The following GTF2IRD1 variants were observed in gnomAD, a reference collection of about 807,000 sequenced individuals.
The protein encoded by GTF2IRD1 is general transcription factor II-I repeat domain-containing protein 1.
GTF2IRD1 carries 26 observed loss-of-function variants against 113.2 expected under a neutral mutation model. The ratio of observed to expected loss-of-function variants is 0.23; its 90% CI spans 0.17 to 0.32. The LOEUF is 0.32. Among genes scored for constraint, GTF2IRD1 ranks in the 10% least tolerant of loss-of-function variants. GTF2IRD1 has a pLI of 1.00. For missense variants in GTF2IRD1, 864 were observed against 1,280.8 expected (o/e 0.67, Z 4.97); for synonymous variants, 484 against 529.1 (o/e 0.91, Z 1.17).
chr7:74,460,574 G>A (rs1584442702), intron 1 of GTF2IRD1, among the ~76,000 whole-genome samples: 2 of 152,076 alleles, frequency 1.3e-5, no homozygotes, highest in African/African-American at 2.4e-5. Flanking sequence ...CCTGTGGCTC[G>A]AGGGTCTAGA....
At chr7:74,516,418 C>T (rs1259245959) in intron 4 of GTF2IRD1, among the ~76,000 whole-genome samples, 2 of 152,218 alleles carry the variant, frequency 1.3e-5, no homozygotes, top group Non-Finnish European at 2.9e-5. Context: ...ATTGCTCAGC[C>T]ATGTCTTTCC....
chr7:74,569,563 A>G (rs1554361960), intron 22 of GTF2IRD1, among the ~76,000 whole-genome samples: 1 of 152,198 alleles, frequency 6.6e-6, no homozygotes, highest in Non-Finnish European at 1.5e-5. Flanking sequence ...ATTTTGTGGC[A>G]CTGGCGGTTT....
intron 25 of GTF2IRD1, among the ~76,000 whole-genome samples, chr7:74,600,578 G>A (rs587707779): frequency 1.9e-3 from 291 of 152,222 alleles, no homozygotes; most frequent in Admixed American, 3.4e-3. Context: ...GGACGTGGTG[G>A]CAGACACCTA....
chr7:74,563,318 G>A (rs1247918167), intron 22 of GTF2IRD1, among the ~76,000 whole-genome samples: 1 of 152,202 alleles, frequency 6.6e-6, no homozygotes, highest in Non-Finnish European at 1.5e-5. Context: ...TGTGGCTCAC[G>A]CCTGTAATTC....
chr7:74,538,849 C>G (rs782780039), intron 13 of GTF2IRD1, 89 bp downstream of exon 13: 1 of 737,394 alleles, frequency 1.4e-6, no homozygotes, highest in African/African-American at 1.7e-5. Context: ...GAAGTGGCCT[C>G]CAGGCCGCTG....
chr7:74,588,966 C>A (rs1801891794), intron 22 of GTF2IRD1, among the ~76,000 whole-genome samples: 1 of 152,112 alleles, frequency 6.6e-6, no homozygotes, highest in South Asian at 2.1e-4. Flanking sequence ...GATGACACCC[C>A]CTCTGGCTGG....
chr7:74,480,147 C>CT (rs577657231), intron 1 of GTF2IRD1, among the ~76,000 whole-genome samples: 7,155 of 147,362 alleles, frequency 0.049, 213 homozygotes, highest in African/African-American at 0.089. Flanking sequence ...GTGTTTTAAT[C>CT]TTTTTTTTTT....
chr7:74,490,238 ACAGGCGTGAGCCACTGCGCC>A (rs1554336422), intron 1 of GTF2IRD1, among the ~76,000 whole-genome samples: 1 of 152,150 alleles, frequency 6.6e-6, no homozygotes, highest in Non-Finnish European at 1.5e-5. Flanking sequence ...CACTGGGATT[ACAGGCGTGAGCCACTGCGCC>A]CAGTGAGACC....
At chr7:74,514,731 G>A (rs372635936) in intron 3 of GTF2IRD1, among the ~76,000 whole-genome samples, 1 of 151,798 alleles carries the variant, frequency 6.6e-6, no homozygotes, top group Non-Finnish European at 1.5e-5. Context: ...CTCTCCCTCC[G>A]GCAGAGCAGA....
intron 22 of GTF2IRD1, among the ~76,000 whole-genome samples, chr7:74,578,004 A>T (rs587771189): frequency 6.6e-6 from 1 of 151,932 alleles, no homozygotes; most frequent in East Asian, 1.9e-4. Context: ...GAGTCTCTCT[A>T]TGTTACCCAA....
intron 25 of GTF2IRD1, among the ~76,000 whole-genome samples, chr7:74,597,013 A>C (rs1333099021): frequency 2.0e-5 from 3 of 151,802 alleles, no homozygotes; most frequent in African/African-American, 7.3e-5. Context: ...TGATTATGCC[A>C]TCCTGCCTGG....
At chr7:74,529,573 G>GA (rs1554348158) in intron 8 of GTF2IRD1, among the ~76,000 whole-genome samples, 161 bp from the exon 9 acceptor site, 1 of 152,076 alleles carries the variant, frequency 6.6e-6, no homozygotes, top group Admixed American at 6.6e-5. Flanking sequence ...TTTCCTAACA[G>GA]AAAAGTGATA....
At chr7:74,484,171 C>A (rs896675410) in intron 1 of GTF2IRD1, among the ~76,000 whole-genome samples, 12 of 152,216 alleles carry the variant, frequency 7.9e-5, no homozygotes, top group African/African-American at 2.7e-4. Context: ...TCCCTAAATT[C>A]TCTGTCAGCG....
At chr7:74,557,210 C>T (rs1420216780) in intron 19 of GTF2IRD1, among the ~76,000 whole-genome samples, 1 of 152,170 alleles carries the variant, frequency 6.6e-6, no homozygotes, top group Admixed American at 6.5e-5. Context: ...AGGCCCATCC[C>T]CTGTGTCTGT....
At chr7:74,503,938 G>A (rs531801170) in intron 1 of GTF2IRD1, among the ~76,000 whole-genome samples, 17 of 152,102 alleles carry the variant, frequency 1.1e-4, no homozygotes, top group Admixed American at 2.6e-4. Context: ...AGGCCTCAGC[G>A]TCTGTCATTC....
intron 21 of GTF2IRD1, 64 bp downstream of exon 21, chr7:74,559,108 GA>G (rs141132786): frequency 0.052 from 75,327 of 1,437,834 alleles, 2,335 homozygotes; most frequent in East Asian, 0.066. Flanking sequence ...TTGCACCTGC[GA>G]ATCCTTAGCC....
chr7:74,513,633 G>C (rs1746589093), intron 3 of GTF2IRD1, among the ~76,000 whole-genome samples: 1 of 152,158 alleles, frequency 6.6e-6, no homozygotes, highest in African/African-American at 2.4e-5. Flanking sequence ...TTGAATGCCT[G>C]CTGTACATAG....
intron 16 of GTF2IRD1, 38 bp downstream of exon 16, chr7:74,545,847 G>GC (rs1260747320): frequency 2.7e-6 from 4 of 1,497,486 alleles, no homozygotes; most frequent in African/African-American, 1.4e-5. Flanking sequence ...GGGCATCCCG[G>GC]CCCCCCTCCA....
intron 14 of GTF2IRD1, among the ~76,000 whole-genome samples, chr7:74,541,413 C>T (rs192189624): frequency 3.6e-4 from 55 of 151,858 alleles, no homozygotes; most frequent in African/African-American, 1.3e-3. Context: ...ATTGCCTCAG[C>T]CCAGGAGCTT....
Sources: gnomAD v4.1 joint callset for allele counts (sites outside exome capture counted in the v4.1 genomes callset) on GRCh38, gnomAD v4.1.1 for gene constraint, MANE v1.5 for transcripts, NCBI Gene and HGNC (gene_info 2026-07-23, HGNC 2026-07-21) for gene names.